Variants in UGT1A6 observed in about 807,000 individuals in gnomAD.
UGT1A6 encodes UDP glucuronosyltransferase family 1 member A6, also known as UDP-glucuronosyltransferase 1A6.
In UGT1A6, 32 loss-of-function variants were observed where a neutral mutation model predicts 44.4. The observed-to-expected ratio is 0.72, with a 90% CI of 0.54 to 0.97. UGT1A6 has a LOEUF of 0.97. Ranked by LOEUF, UGT1A6 falls within the 50% of genes least tolerant of loss-of-function variation. The pLI is 0.00. For missense variants in UGT1A6, 685 were observed against 661.9 expected, an observed-to-expected ratio of 1.03 and a Z score of -0.38; for synonymous variants, 238 against 248.5, an observed-to-expected ratio of 0.96 and a Z score of 0.40.
chr2:233,749,622 C>A (rs1694233341), intron 1 of UGT1A6, among the ~76,000 whole-genome samples: 1 of 151,854 alleles, frequency 6.6e-6, no homozygotes, highest in Admixed American at 6.5e-5. Context: ...TGATTTGGCT[C>A]TGTATCCCCC....
intron 1 of UGT1A6, among the ~76,000 whole-genome samples, chr2:233,698,139 C>T (rs1179532977): frequency 6.6e-6 from 1 of 152,188 alleles, no homozygotes; most frequent in Admixed American, 6.5e-5. Flanking sequence ...TGTGTCTCAA[C>T]TGTATTCCCA....
intron 2 of UGT1A6, 109 bp downstream of exon 2, chr2:233,767,274 T>C (rs1575825821): frequency 5.7e-6 from 9 of 1,580,016 alleles, no homozygotes. Context: ...ATTTGGCTTT[T>C]CCCTGCCACT....
intron 1 of UGT1A6, chr2:233,713,390 T>C (rs1223682421): frequency 6.2e-7 from 1 of 1,614,192 alleles, no homozygotes; most frequent in Admixed American, 1.7e-5. Context: ...AGCTACTGCA[T>C]AATGAGGCCC....
At chr2:233,753,221 CTTCTTGTAT>C (rs979493311) in intron 1 of UGT1A6, 4 of 152,156 alleles carry the variant, frequency 2.6e-5, no homozygotes, top group African/African-American at 9.7e-5. Flanking sequence ...TATTTTGATA[CTTCTTGTAT>C]AGTTATTATT....
chr2:233,729,171 A>G, intron 1 of UGT1A6: 1 of 1,613,740 alleles, frequency 6.2e-7, no homozygotes, highest in Non-Finnish European at 8.5e-7. Context: ...TGGCCACAGG[A>G]CTGCTGCTTC....
chr2:233,767,788 G>T, intron 2 of UGT1A6, 61 bp from the exon 3 acceptor site: 1 of 1,613,882 alleles, frequency 6.2e-7, no homozygotes, highest in Non-Finnish European at 8.5e-7. Flanking sequence ...TAGTATAGCA[G>T]ATTTGTTTTC....
At chr2:233,735,312 T>C (rs924133662) in intron 1 of UGT1A6, among the ~76,000 whole-genome samples, 9 of 152,172 alleles carry the variant, frequency 5.9e-5, no homozygotes, top group Admixed American at 1.3e-4. Context: ...GTCTGTTTTA[T>C]CAGAGACTAG....
intron 1 of UGT1A6, among the ~76,000 whole-genome samples, chr2:233,751,506 C>A (rs1237689489): frequency 1.3e-5 from 2 of 152,104 alleles, no homozygotes; most frequent in Non-Finnish European, 2.9e-5. Context: ...TTGGGAGGGG[C>A]CAGAGGGCAG....
intron 1 of UGT1A6, chr2:233,760,705 C>T: frequency 1.2e-6 from 2 of 1,614,220 alleles, no homozygotes; most frequent in Non-Finnish European, 1.7e-6. Flanking sequence ...CATGGCCTCC[C>T]TGGCAGAAAG....
rs369738416 is a variant in UGT1A6 at position 233,718,805 on chromosome 2, G to C, written c.861+24940G>C. Reference sequence around the variant, plus strand: ...AGCGTGGGGTGGACAGTCAGCTGTCGGTGGCTTCTGCTGAGATGGCCAGAG... The same window carrying C: ...AGCGTGGGGTGGACAGTCAGCTGTCCGTGGCTTCTGCTGAGATGGCCAGAG... On this transcript the variant is annotated intron_variant, in intron 1 of 4. Transcript: ENST00000305139. 47 of 1,613,298 alleles carry C rather than the reference G, an allele frequency of 2.9e-5. 1 individual carries two copies. Among genetic ancestry groups the C allele is most frequent in the African/African-American group, 1.3e-4 (10 of 75,040 alleles).
At position 233,693,864 on chromosome 2, in the gene UGT1A6, A is replaced by C. The variant is rs757830710; in HGVS notation, c.860A>C (p.Gln287Pro). The C allele has an allele frequency of 6.2e-7, 1 of 1,614,148 alleles. No individual in the cohort carries two copies. Among genetic ancestry groups the C allele is most frequent in the South Asian group, 1.1e-5 (1 of 91,076 alleles). ...INCKKRKDLS[Q>P]EFEAYINASG... ...TGTAAGAAGAGGAAAGACTTGTCTC[A>C]GGTTGGTGGGTTTATTTCTTTTGGA... Residue 287 changes from glutamine to proline, a missense_variant and splice_region_variant, in exon 1 of 5, where the codon CAG (glutamine) becomes CCG (proline). By Grantham distance (76) the Gln-to-Pro change is moderately conservative. Transcript: ENST00000305139.
At chr2:233,756,127 T>C (rs1396656487) in intron 1 of UGT1A6, 2 of 152,258 alleles carry the variant, frequency 1.3e-5, no homozygotes, top group African/African-American at 4.8e-5. Context: ...TGTAAAATTC[T>C]CCTGAAAAAT....
Position 233,693,232 on chromosome 2 carries a change from AATCT to A in UGT1A6, c.232_235del (p.Tyr78GlnfsTer9). Reference sequence around the variant, plus strand: ...AAGAATCCAAATACTACACAAGAAAAATCTATCCAGTGCCGTATGACCAAGAAGA... The same window carrying A: ...AAGAATCCAAATACTACACAAGAAAAATCCAGTGCCGTATGACCAAGAAGA... On this transcript the variant is annotated frameshift_variant, in exon 1 of 5. Transcript: ENST00000305139. LOFTEE classifies it high-confidence loss of function. 1 of 1,614,188 alleles carries A rather than the reference AATCT, an allele frequency of 6.2e-7. No homozygotes were observed. The highest frequency in any genetic ancestry group is 8.5e-7 in the Non-Finnish European group (1 of 1,180,034).
At chr2:233,740,938 A>C (rs1691513941) in intron 1 of UGT1A6, 1 of 151,466 alleles carries the variant, frequency 6.6e-6, no homozygotes, top group Admixed American at 6.6e-5. Context: ...TTTTTTTTTT[A>C]ATTAGCTAGG....
chr2:233,738,951 T>G (rs1690944687), intron 1 of UGT1A6: 1 of 152,230 alleles, frequency 6.6e-6, no homozygotes, highest in Non-Finnish European at 1.5e-5. Context: ...TGTTTTAGGC[T>G]GGGTCCAGGC....
At chr2:233,757,019 A>C (rs1245211871) in intron 1 of UGT1A6, among the ~76,000 whole-genome samples, 4 of 151,834 alleles carry the variant, frequency 2.6e-5, no homozygotes, top group African/African-American at 9.7e-5. Context: ...CAGTTTGAAC[A>C]AAGCAATTTG....
chr2:233,713,012 TC>T, intron 1 of UGT1A6: 2 of 1,613,498 alleles, frequency 1.2e-6, no homozygotes, highest in Non-Finnish European at 1.7e-6. Flanking sequence ...GACTCCAGGT[TC>T]CCCTGCCGCA....
At chr2:233,741,008 G>A (rs1182899562) in intron 1 of UGT1A6, 1 of 151,722 alleles carries the variant, frequency 6.6e-6, no homozygotes, top group African/African-American at 2.4e-5. Flanking sequence ...GATCACTTGA[G>A]CCCAGGAATT....
intron 1 of UGT1A6, chr2:233,739,067 G>A (rs1690974167): frequency 6.6e-6 from 1 of 152,282 alleles, no homozygotes. Context: ...TTCAGAGGGT[G>A]CAAACCTCAA....
Sources: gnomAD v4.1 joint callset for allele counts (sites outside exome capture counted in the v4.1 genomes callset) on GRCh38, gnomAD v4.1.1 for gene constraint, MANE v1.5 for transcripts, NCBI Gene and HGNC (gene_info 2026-07-23, HGNC 2026-07-21) for gene names.